The following CSMD3 variants were observed in gnomAD, a reference collection of about 807,000 sequenced individuals.
The protein encoded by CSMD3 is CUB and Sushi multiple domains 3, also known as CUB and sushi domain-containing protein 3.
CSMD3 carries 177 observed loss-of-function variants against 435.2 expected under a neutral mutation model. The ratio of observed to expected loss-of-function variants is 0.41; its 90% CI spans 0.36 to 0.46. The LOEUF (loss-of-function observed/expected upper bound fraction) is 0.46. Ranked by LOEUF, CSMD3 falls within the 20% of genes least tolerant of loss-of-function variation. The pLI, the probability that CSMD3 is intolerant of heterozygous loss-of-function variation, is 0.34. For synonymous variants in CSMD3, 1,656 were observed against 1,520.5 expected (o/e 1.09, Z -2.07); for missense variants, 4,265 against 4,504.6 (o/e 0.95, Z 1.52).
intron 4 of CSMD3, among the ~76,000 whole-genome samples, chr8:113,138,841 G>A (rs895301579): frequency 1.4e-5 from 2 of 147,768 alleles, no homozygotes; most frequent in African/African-American, 5.0e-5. Flanking sequence ...GTGTGTGTCT[G>A]TATATGTCAC....
chr8:112,906,079 C>T (rs922692258), intron 10 of CSMD3, among the ~76,000 whole-genome samples: 7 of 151,258 alleles, frequency 4.6e-5, no homozygotes, highest in Non-Finnish European at 1.0e-4. Context: ...CAATGCAATC[C>T]AACCATGCTG....
chr8:112,414,369 T>A (rs976746621), intron 32 of CSMD3, among the ~76,000 whole-genome samples: 1 of 152,144 alleles, frequency 6.6e-6, no homozygotes, highest in African/African-American at 2.4e-5. Flanking sequence ...TATAAGCATC[T>A]GGCATTCCCC....
intron 47 of CSMD3, among the ~76,000 whole-genome samples, chr8:112,315,800 C>T (rs1822403888): frequency 6.6e-6 from 1 of 151,802 alleles, no homozygotes; most frequent in Non-Finnish European, 1.5e-5. Context: ...AATTCATCTA[C>T]TATACCTTAG....
At chr8:112,535,049 C>A (rs1164721618) in intron 27 of CSMD3, among the ~76,000 whole-genome samples, 3 of 152,134 alleles carry the variant, frequency 2.0e-5, no homozygotes, top group Non-Finnish European at 4.4e-5. Context: ...TAAGAGCTGT[C>A]TATGACAAAC....
chr8:113,047,515 C>T (rs1250626922), intron 5 of CSMD3, among the ~76,000 whole-genome samples: 1 of 152,150 alleles, frequency 6.6e-6, no homozygotes, highest in Non-Finnish European at 1.5e-5. Flanking sequence ...ATCAGGATTT[C>T]TTCCTCTATT....
intron 38 of CSMD3, among the ~76,000 whole-genome samples, chr8:112,365,167 T>C (rs974317445): frequency 6.6e-6 from 1 of 152,148 alleles, no homozygotes; most frequent in African/African-American, 2.4e-5. Flanking sequence ...AATTTTCCTA[T>C]GTCTCCCAAA....
intron 31 of CSMD3, among the ~76,000 whole-genome samples, 185 bp from the exon 32 acceptor site, chr8:112,472,892 T>G (rs996840609): frequency 5.3e-5 from 8 of 152,208 alleles, no homozygotes; most frequent in Admixed American, 5.2e-4. Flanking sequence ...AAACAAAACT[T>G]TATAAGTATT....
At chr8:113,131,103 T>C (rs118084769) in intron 4 of CSMD3, among the ~76,000 whole-genome samples, 353 of 152,192 alleles carry the variant, frequency 2.3e-3, no homozygotes, top group Non-Finnish European at 4.2e-3. Context: ...AAGTTATATT[T>C]AAAAGGGAAG....
chr8:112,777,971 T>A (rs1206355629), intron 13 of CSMD3, among the ~76,000 whole-genome samples: 1 of 151,892 alleles, frequency 6.6e-6, no homozygotes, highest in African/African-American at 2.4e-5. Context: ...TTCCAATGCT[T>A]CTACTAACAC....
chr8:112,682,507 T>C lies in CSMD3; in HGVS notation c.2612A>G (p.Glu871Gly). ...EEGFIKTQGT[E>G]TITCILMDGK... is the part of the protein sequence containing the mutation. ...ATCCATAAGAATACATGTAATTGTT[T>C]CTGTTCCCTGGGTTTTAATAAATCC... The change falls in exon 16 of 71, where the codon GAA becomes GGA. Residue 871 changes from glutamate (E) to glycine (G), a missense_variant. Transcript: ENST00000297405. 6.2e-7 allele frequency: 1 copy of C among 1,613,692 alleles called. No individual in the cohort carries two copies. Among genetic ancestry groups the C allele is most frequent in the Non-Finnish European group, 8.5e-7 (1 of 1,179,840 alleles).
chr8:113,347,962 T>C (rs2094163310), intron 1 of CSMD3, among the ~76,000 whole-genome samples: 1 of 151,998 alleles, frequency 6.6e-6, no homozygotes, highest in Admixed American at 6.6e-5. Context: ...AAATAAATCA[T>C]TAAAAAATGG....
At chr8:112,415,089 T>G (rs1169631255) in intron 32 of CSMD3, among the ~76,000 whole-genome samples, 2 of 152,298 alleles carry the variant, frequency 1.3e-5, no homozygotes, top group South Asian at 2.1e-4. Context: ...GAGCCAGATA[T>G]TAATCCCCAG....
intron 2 of CSMD3, chr8:113,311,557 AT>A (rs2093869023): frequency 6.6e-6 from 1 of 152,180 alleles, no homozygotes; most frequent in Non-Finnish European, 1.5e-5. Flanking sequence ...AAGGACATGC[AT>A]TAAGTGAGAA....
intron 35 of CSMD3, among the ~76,000 whole-genome samples, chr8:112,391,433 C>T (rs1191510436): frequency 6.6e-6 from 1 of 152,158 alleles, no homozygotes; most frequent in African/African-American, 2.4e-5. Flanking sequence ...TGCAGTGGCT[C>T]ACGCCTGTAA....
chr8:113,149,688 T>G (rs1260104565), intron 4 of CSMD3, among the ~76,000 whole-genome samples: 1 of 151,942 alleles, frequency 6.6e-6, no homozygotes, highest in African/African-American at 2.4e-5. Context: ...AAATGGTATA[T>G]TTCTCTAAAA....
intron 2 of CSMD3, among the ~76,000 whole-genome samples, chr8:113,301,056 A>G (rs1382813121): frequency 1.4e-5 from 2 of 147,802 alleles, no homozygotes; most frequent in Non-Finnish European, 3.0e-5. Context: ...TTGCTTAGGG[A>G]TGTTCATGTA....
chr8:112,775,293 A>C lies in CSMD3; in HGVS notation c.1972+24869T>G, dbSNP rs565699113. ...ATGTCTACCTCTTGTCTAACAAGGC[A>C]GAAACTGCCTTAAAAGAAGAACTCA... On this transcript the variant is annotated intron_variant, in intron 13 of 70. Transcript: ENST00000297405. 2.6e-5 allele frequency among the ~76,000 whole-genome samples: 4 copies of C among 152,002 alleles called. No homozygotes were observed. In the South Asian group the frequency reaches 6.2e-4, roughly 24 times the overall value.
At chr8:113,122,369 G>A (rs964739602) in intron 4 of CSMD3, among the ~76,000 whole-genome samples, 4 of 152,072 alleles carry the variant, frequency 2.6e-5, no homozygotes, top group African/African-American at 9.7e-5. Context: ...TGTTAGGCAG[G>A]ATAATGTCTC....
chr8:112,601,998 A>G (rs115530574), intron 22 of CSMD3, among the ~76,000 whole-genome samples: 3,226 of 152,282 alleles, frequency 0.021, 124 homozygotes, highest in African/African-American at 0.072. Flanking sequence ...AGGGCAGAGG[A>G]AAAAGAGAAG....
Sources: allele counts gnomAD v4.1 joint callset (sites outside exome capture counted in the v4.1 genomes callset), GRCh38; gene constraint gnomAD v4.1.1; transcripts MANE v1.5; gene names NCBI Gene and HGNC (gene_info 2026-07-23, HGNC 2026-07-21).